The following STPG2 variants were observed in gnomAD, a reference collection of about 807,000 sequenced individuals.
STPG2 encodes sperm tail PG-rich repeat containing 2.
In STPG2, 56 loss-of-function variants were observed where a neutral mutation model predicts 54.2. The ratio of observed to expected loss-of-function variants is 1.03; its 90% CI spans 0.83 to 1.29. The LOEUF (loss-of-function observed/expected upper bound fraction) is 1.29. STPG2 is among the 50% of genes most tolerant of loss of function. The pLI, the probability that STPG2 is intolerant of heterozygous loss-of-function variation, is 0.00. For missense variants in STPG2, 596 were observed against 544.9 expected (o/e 1.09, Z -0.93); for synonymous variants, 200 against 181.8 (o/e 1.10, Z -0.81).
At chr4:98,047,937 A>G (rs191496066) in intron 5 of STPG2, among the ~76,000 whole-genome samples, 1 of 152,318 alleles carries the variant, frequency 6.6e-6, no homozygotes, top group Non-Finnish European at 1.5e-5. Flanking sequence ...GTAGATGACA[A>G]CATTTTTCCT....
chr4:97,611,515 A>T (rs988967363), intron 10 of STPG2, among the ~76,000 whole-genome samples: 2 of 152,036 alleles, frequency 1.3e-5, no homozygotes, highest in Non-Finnish European at 2.9e-5. Context: ...ATTAAAAAAT[A>T]TATTACATTT....
intron 6 of STPG2, among the ~76,000 whole-genome samples, chr4:97,974,417 G>A (rs1395205572): frequency 6.6e-6 from 1 of 152,200 alleles, no homozygotes; most frequent in Non-Finnish European, 1.5e-5. Context: ...TTTGGGGACT[G>A]TTGGGAAGGC....
chr4:98,073,015 G>A (rs1033773994), intron 5 of STPG2, among the ~76,000 whole-genome samples: 8 of 152,130 alleles, frequency 5.3e-5, no homozygotes, highest in South Asian at 4.1e-4. Flanking sequence ...TATATGAGAC[G>A]CAGGTGGTTA....
chr4:97,483,231 A>G (rs1304527991), intron 4 of STPG2, among the ~76,000 whole-genome samples: 1 of 151,776 alleles, frequency 6.6e-6, no homozygotes, highest in East Asian at 1.9e-4. Flanking sequence ...TCACATCTCA[A>G]TACTAACATT....
At chr4:97,534,464 A>T (rs1001199056) in intron 4 of STPG2, among the ~76,000 whole-genome samples, 3 of 152,180 alleles carry the variant, frequency 2.0e-5, no homozygotes, top group Admixed American at 2.0e-4. Context: ...GTGTGAATCA[A>T]GGATCTGGGT....
downstream of STPG2, among the ~76,000 whole-genome samples, chr4:97,554,146 AGT>A (rs1196346678): frequency 1.3e-5 from 2 of 152,134 alleles, no homozygotes; most frequent in Non-Finnish European, 2.9e-5. Flanking sequence ...GTCCCAGAGA[AGT>A]TGGAGTGTTG....
chr4:98,137,717 C>T (rs929381562), intron 1 of STPG2, among the ~76,000 whole-genome samples: 5 of 150,800 alleles, frequency 3.3e-5, no homozygotes, highest in Non-Finnish European at 5.9e-5. Flanking sequence ...TTGCAGAGTA[C>T]TGAAATTCAT....
intron 7 of STPG2, among the ~76,000 whole-genome samples, chr4:97,960,833 A>C (rs1733857079): frequency 6.6e-6 from 1 of 152,066 alleles, no homozygotes; most frequent in Admixed American, 6.6e-5. Flanking sequence ...CCCTCACAGA[A>C]CTAGAAAAAA....
At chr4:97,799,789 G>T (rs932571527) in intron 9 of STPG2, among the ~76,000 whole-genome samples, 5 of 152,076 alleles carry the variant, frequency 3.3e-5, no homozygotes, top group Non-Finnish European at 7.4e-5. Context: ...TTCCAGCTTG[G>T]TTCCATTCTC....
chr4:97,572,561 T>C (rs1049322212), intron 10 of STPG2: 1 of 152,192 alleles, frequency 6.6e-6, no homozygotes, highest in African/African-American at 2.4e-5. Flanking sequence ...AATCTTTGGT[T>C]ATTAACATAA....
At chr4:98,061,583 T>C (rs1737658524) in intron 5 of STPG2, among the ~76,000 whole-genome samples, 1 of 149,548 alleles carries the variant, frequency 6.7e-6, no homozygotes, top group Admixed American at 6.7e-5. Context: ...CCAAACCATA[T>C]CATAACTTAA....
At chr4:97,594,857 C>A (rs1173624107) in intron 10 of STPG2, among the ~76,000 whole-genome samples, 3 of 152,206 alleles carry the variant, frequency 2.0e-5, no homozygotes, top group Admixed American at 1.3e-4. Context: ...AAATGCTCAT[C>A]ATCACTGGCC....
At chr4:97,991,338 ATATG>A (rs1196466345) in intron 5 of STPG2, among the ~76,000 whole-genome samples, 3 of 151,260 alleles carry the variant, frequency 2.0e-5, no homozygotes, top group East Asian at 3.9e-4. Context: ...ACACATATAT[ATATG>A]TGTGTATATA....
chr4:97,892,404 T>C (rs1730803610), intron 8 of STPG2, among the ~76,000 whole-genome samples: 1 of 152,068 alleles, frequency 6.6e-6, no homozygotes, highest in South Asian at 2.1e-4. Flanking sequence ...AGAATAACAG[T>C]CTATTGCCAG....
chr4:97,689,865 C>T (rs1462544968), intron 10 of STPG2, among the ~76,000 whole-genome samples: 1 of 151,914 alleles, frequency 6.6e-6, no homozygotes, highest in Non-Finnish European at 1.5e-5. Flanking sequence ...CAAAATTTTA[C>T]AAGCATAGAA....
intron 8 of STPG2, among the ~76,000 whole-genome samples, chr4:97,857,841 G>T (rs931443645): frequency 1.3e-5 from 2 of 151,896 alleles, no homozygotes; most frequent in East Asian, 1.9e-4. Context: ...TTAACAAAGA[G>T]ATTATAATAA....
chr4:97,473,409 G>A (rs940046925), intron 4 of STPG2, among the ~76,000 whole-genome samples: 4 of 152,060 alleles, frequency 2.6e-5, no homozygotes, highest in Non-Finnish European at 5.9e-5. Context: ...TTCTATGGTC[G>A]AAACCGTAGG....
intron 4 of STPG2, among the ~76,000 whole-genome samples, chr4:97,502,274 G>A (rs1019474924): frequency 6.6e-6 from 1 of 151,764 alleles, no homozygotes; most frequent in African/African-American, 2.4e-5. Context: ...AAATTATTGT[G>A]CGTCCCTGAT....
chr4:97,800,158 G>A (rs181113777), intron 9 of STPG2, among the ~76,000 whole-genome samples: 139 of 152,110 alleles, frequency 9.1e-4, no homozygotes, highest in African/African-American at 3.3e-3. Flanking sequence ...TACTTTGATC[G>A]TCTGAAGCCT....
Sources: allele counts gnomAD v4.1 joint callset (sites outside exome capture counted in the v4.1 genomes callset), GRCh38; gene constraint gnomAD v4.1.1; transcripts MANE v1.5; gene names NCBI Gene and HGNC (gene_info 2026-07-23, HGNC 2026-07-21).